The following LRRC53 variants were observed in gnomAD, a reference collection of about 807,000 sequenced individuals.
LRRC53 encodes the protein leucine-rich repeat-containing protein 53.
LRRC53 carries 25 observed loss-of-function variants against 13.6 expected under a neutral mutation model. The ratio of observed to expected loss-of-function variants is 1.83; its 90% confidence interval spans 1.34 to 2.56. The LOEUF (loss-of-function observed/expected upper bound fraction) is 2.56. Among genes scored for constraint, LRRC53 ranks in the 30% most tolerant of loss-of-function variants. The probability of loss-of-function intolerance (pLI) is 0.00; values close to 1 mark genes in which losing one functional copy is unlikely to be tolerated. For missense variants in LRRC53, 527 were observed against 275.8 expected (o/e 1.91, Z -6.45); for synonymous variants, 204 against 109.8 (o/e 1.86, Z -5.37).
rs1031976067 is a variant in LRRC53 at position 74,470,402 on chromosome 1, G to A, written c.3220C>T (p.Leu1074=). 5.0e-6 allele frequency: 2 copies of A among 400,392 alleles called. No homozygotes were observed. Among genetic ancestry groups the A allele is most frequent in the South Asian group, 1.3e-4 (1 of 7,944 alleles). The allele number at this position is 400,392 out of a possible 1,614,324, so 24.8% of individuals were successfully genotyped here. A position where few individuals can be genotyped will look rare whatever the true frequency, so the allele number is the denominator to read the frequency against. The change falls in exon 5 of 5, where the codon CTA becomes TTA. Residue 1074 remains leucine, a synonymous_variant. Coordinates refer to ENST00000294635, the MANE Select transcript of LRRC53 (RefSeq NM_001382280.1). ...ALPRNDGTEA[L]EIKIVGKEEK... is the part of the protein sequence containing the mutation. ...TCTTTCCCTACTATTTTTATCTCTA[G>A]TGCTTCAGTGCCGTCATTTCTGGGC...
chr1:74,482,161 C>T (rs1353752138), intron 2 of LRRC53, among the ~76,000 whole-genome samples: 1 of 152,026 alleles, frequency 6.6e-6, no homozygotes, highest in Non-Finnish European at 1.5e-5. Flanking sequence ...TTCATGGGTC[C>T]CCAGTCCTTT....
At chr1:74,486,096 A>G (rs945136123) in intron 1 of LRRC53, among the ~76,000 whole-genome samples, 1 of 151,922 alleles carries the variant, frequency 6.6e-6, no homozygotes, top group African/African-American at 2.4e-5. Context: ...AATACACTCC[A>G]GTTGCCCTGA....
chr1:74,475,518 A>G lies in LRRC53; in HGVS notation c.1197T>C (p.Phe399=), dbSNP rs927964661. The change falls in exon 4 of 5, where the codon TTT becomes TTC. Residue 399 remains phenylalanine (F), a synonymous_variant. Transcript: ENST00000294635. ...CACGGTCTTTCTTTTTCAGGTTTCT[A>G]AATGATCCGTCAAGGGTTGCAGACT... The part of the protein sequence containing the change: ...ASESATLDGS[F]RNLKKKDRGV... 4.2e-6 allele frequency: 3 copies of G among 716,832 alleles called. No individual in the cohort carries two copies. The highest frequency in any genetic ancestry group is 7.8e-6 in the Non-Finnish European group (3 of 384,828). The allele number at this position is 716,832 out of a possible 1,614,324, so 44.4% of individuals were successfully genotyped here. A position where few individuals can be genotyped will look rare whatever the true frequency, so the allele number is the denominator to read the frequency against.
intron 1 of LRRC53, among the ~76,000 whole-genome samples, chr1:74,509,679 A>G (rs11210466): frequency 0.011 from 1,697 of 151,096 alleles, 44 homozygotes; most frequent in East Asian, 0.072. Flanking sequence ...ATGTTAAGGA[A>G]TAGAGTGTTG....
chr1:74,480,928 T>C lies in LRRC53; in HGVS notation c.129A>G (p.Gly43=), dbSNP rs1037942386. Residue 43 remains glycine (G), a synonymous_variant, in exon 3 of 5, where the codon GGA becomes GGG. Coordinates refer to ENST00000294635, the MANE Select transcript of LRRC53 (RefSeq NM_001382280.1). ...TTGTGCTCTCAATAGAGGAGAGATA[T>C]CCATCGGTGATGATTAAAACCCTCG... The part of the protein sequence containing the change: ...MTTRVLIITD[G]YLSSIESTNL... 5.6e-6 allele frequency: 4 copies of C among 717,022 alleles called. No homozygotes were observed. The highest frequency in any genetic ancestry group is 4.0e-5 in the Admixed American group (2 of 49,976). 44.4% of individuals were successfully genotyped at this position (717,022 alleles called of 1,614,324 possible).
intron 4 of LRRC53, among the ~76,000 whole-genome samples, chr1:74,472,565 C>T (rs919208849): frequency 3.3e-5 from 5 of 151,958 alleles, no homozygotes; most frequent in Non-Finnish European, 7.4e-5. Flanking sequence ...ATTCATTTCC[C>T]ATTTGCAACT....
upstream of LRRC53, among the ~76,000 whole-genome samples, chr1:74,516,725 C>T: frequency 6.6e-6 from 1 of 152,134 alleles, no homozygotes; most frequent in East Asian, 1.9e-4. Context: ...TTCCCCATCA[C>T]TAATTCCAGC....
chr1:74,503,874 T>A (rs1017289300), intron 1 of LRRC53, among the ~76,000 whole-genome samples: 2 of 152,196 alleles, frequency 1.3e-5, no homozygotes, highest in African/African-American at 4.8e-5. Context: ...TAACTATGCA[T>A]GTTGATGTGA....
upstream of LRRC53, among the ~76,000 whole-genome samples, chr1:74,514,309 A>T (rs929926575): frequency 1.3e-5 from 2 of 152,206 alleles, no homozygotes; most frequent in African/African-American, 4.8e-5. Context: ...GAGGCTTACA[A>T]GCTGACAAGC....
chr1:74,535,432 T>G, the LRRC53 span, among the ~76,000 whole-genome samples: 2 of 152,090 alleles, frequency 1.3e-5, no homozygotes, highest in African/African-American at 4.8e-5. Flanking sequence ...ATTGCATCAC[T>G]GCAATCCAGC....
At chr1:74,525,328 T>C in the LRRC53 span, among the ~76,000 whole-genome samples, 1 of 152,150 alleles carries the variant, frequency 6.6e-6, no homozygotes. Context: ...ACATGTGTGA[T>C]AAGTATTGTT....
chr1:74,498,610 T>G (rs1484226499), intron 1 of LRRC53, among the ~76,000 whole-genome samples: 1 of 152,186 alleles, frequency 6.6e-6, no homozygotes, highest in Non-Finnish European at 1.5e-5. Context: ...TTTCTGCAAT[T>G]TAAGTGAGTA....
intron 1 of LRRC53, among the ~76,000 whole-genome samples, chr1:74,504,235 G>C (rs1669776040): frequency 6.6e-6 from 1 of 152,152 alleles, no homozygotes; most frequent in Non-Finnish European, 1.5e-5. Context: ...AAAGGTGATA[G>C]GGCTCTATGT....
chr1:74,472,529 A>G (rs549759363), intron 4 of LRRC53, among the ~76,000 whole-genome samples: 15 of 152,282 alleles, frequency 9.9e-5, no homozygotes, highest in African/African-American at 3.6e-4. Flanking sequence ...AATCCTTTGT[A>G]AATGGCTATA....
chr1:74,498,467 T>C (rs1160135422), intron 1 of LRRC53, among the ~76,000 whole-genome samples: 8 of 152,204 alleles, frequency 5.3e-5, no homozygotes, highest in Non-Finnish European at 4.4e-5. Context: ...ACAGAAATTC[T>C]CTTCTTTTTT....
chr1:74,481,583 A>G (rs541543429), intron 2 of LRRC53, among the ~76,000 whole-genome samples: 2 of 152,330 alleles, frequency 1.3e-5, no homozygotes, highest in Non-Finnish European at 2.9e-5. Context: ...GGTTCTCATT[A>G]TAGTCTGGGC....
At chr1:74,496,999 T>C (rs1395559208) in intron 1 of LRRC53, among the ~76,000 whole-genome samples, 1 of 152,114 alleles carries the variant, frequency 6.6e-6, no homozygotes, top group Non-Finnish European at 1.5e-5. Flanking sequence ...GGATCCAGAG[T>C]TTGGAACTGT....
At chr1:74,506,748 T>C (rs1287216670) in intron 1 of LRRC53, among the ~76,000 whole-genome samples, 2 of 152,216 alleles carry the variant, frequency 1.3e-5, no homozygotes, top group African/African-American at 4.8e-5. Context: ...CTTTTAGTTT[T>C]AGTGTACTGT....
At chr1:74,499,950 A>AT (rs1405124835) in intron 1 of LRRC53, among the ~76,000 whole-genome samples, 1 of 151,766 alleles carries the variant, frequency 6.6e-6, no homozygotes, top group Non-Finnish European at 1.5e-5. Context: ...TCTGTCTAGT[A>AT]TTTTTTCTCA....
Sources: gnomAD v4.1 joint callset for allele counts (sites outside exome capture counted in the v4.1 genomes callset) on GRCh38, gnomAD v4.1.1 for gene constraint, MANE v1.5 for transcripts, NCBI Gene and HGNC (gene_info 2026-07-23, HGNC 2026-07-21) for gene names.